The following GRIP1 variants were observed in gnomAD, a reference collection of about 807,000 sequenced individuals.
GRIP1 encodes the protein glutamate receptor interacting protein 1, also known as glutamate receptor-interacting protein 1.
A neutral mutation model predicts 129.9 loss-of-function variants in GRIP1; 45 were observed. That is an observed-to-expected ratio of 0.35 (90% CI 0.27 to 0.44). The LOEUF (loss-of-function observed/expected upper bound fraction) is 0.44. Ranked by LOEUF, GRIP1 falls within the 20% of genes least tolerant of loss-of-function variation. The pLI is 1.00. For missense variants in GRIP1, 1,196 were observed against 1,396.8 expected (o/e 0.86, Z 2.29); for synonymous variants, 530 against 520.8 (o/e 1.02, Z -0.24).
At chr12:66,522,707 G>A (rs1273256487) in intron 5 of GRIP1, among the ~76,000 whole-genome samples, 1 of 152,172 alleles carries the variant, frequency 6.6e-6, no homozygotes, top group African/African-American at 2.4e-5. Flanking sequence ...GAGAGAAGAA[G>A]ACTTCAGACG....
chr12:66,691,339 C>T (rs1043207126), intron 1 of GRIP1, among the ~76,000 whole-genome samples: 2 of 152,074 alleles, frequency 1.3e-5, no homozygotes, highest in Admixed American at 6.6e-5. Flanking sequence ...TGTGCTTAGG[C>T]TGAATAAGAA....
chr12:66,816,072 T>C lies in GRIP1; in HGVS notation c.59-219145A>G, dbSNP rs116185764. Reference sequence around the variant, plus strand: ...ACAAAGGAAGAGAAAAAATAGTAAATTTTTCATCTGAGAACAGGATCAGTA... The same window carrying C: ...ACAAAGGAAGAGAAAAAATAGTAAACTTTTCATCTGAGAACAGGATCAGTA... On this transcript the variant is annotated intron_variant, in intron 1 of 1. Coordinates refer to the GRIP1 transcript ENST00000643019. 2.5e-3 allele frequency among the ~76,000 whole-genome samples: 377 copies of C among 152,172 alleles called. 2 individuals are homozygous for C. Among genetic ancestry groups the C allele is most frequent in the African/African-American group, 8.6e-3 (359 of 41,512 alleles).
chr12:66,835,136 G>A (rs976795095), intron 1 of GRIP1, among the ~76,000 whole-genome samples: 7 of 151,944 alleles, frequency 4.6e-5, no homozygotes, highest in South Asian at 2.1e-4. Flanking sequence ...AGCAGAAAAC[G>A]AACAACCAAC....
At chr12:66,540,011 T>C (rs2061726498) in intron 3 of GRIP1, among the ~76,000 whole-genome samples, 1 of 152,218 alleles carries the variant, frequency 6.6e-6, no homozygotes, top group Non-Finnish European at 1.5e-5. Context: ...TTATTTTATA[T>C]ATAAATCCAG....
intron 1 of GRIP1, among the ~76,000 whole-genome samples, chr12:66,841,312 C>T (rs2039711885): frequency 6.6e-6 from 1 of 151,998 alleles, no homozygotes. Context: ...AGTGTATGTC[C>T]TTGTCCTCAG....
chr12:66,347,882 C>T lies in GRIP1; in HGVS notation c.*1137G>A, dbSNP rs527338957. ...AATCATTTCAATATGGAGAGTCTACCATCAATATACAGATCTATTTATTTT... is the reference window on the plus strand; with the variant it reads ...AATCATTTCAATATGGAGAGTCTACTATCAATATACAGATCTATTTATTTT... On this transcript the variant is annotated 3_prime_UTR_variant, in exon 25 of 25. Coordinates refer to ENST00000359742, the MANE Select transcript of GRIP1 (RefSeq NM_001366722.1). 1 of 152,120 alleles carries T rather than the reference C, an allele frequency of 6.6e-6. No homozygotes were observed. Among genetic ancestry groups the T allele is most frequent in the South Asian group, 2.1e-4 (1 of 4,816 alleles). 9.4% of individuals were successfully genotyped at this position (152,120 alleles called of 1,614,324 possible).
chr12:66,925,233 T>C (rs1423878991), intron 1 of GRIP1, among the ~76,000 whole-genome samples: 2 of 152,244 alleles, frequency 1.3e-5, no homozygotes, highest in East Asian at 3.9e-4. Flanking sequence ...TAAAGATCTA[T>C]ACATACACAC....
intron 1 of GRIP1, among the ~76,000 whole-genome samples, chr12:66,801,179 A>G (rs2038846913): frequency 6.6e-6 from 1 of 152,138 alleles, no homozygotes; most frequent in Admixed American, 6.6e-5. Flanking sequence ...ACCTTGTATC[A>G]CATTTTAAAA....
At chr12:66,774,876 T>C (rs976173497) in intron 1 of GRIP1, among the ~76,000 whole-genome samples, 2 of 152,114 alleles carry the variant, frequency 1.3e-5, no homozygotes, top group African/African-American at 4.8e-5. Context: ...TTCTGAACAG[T>C]CAATTTACTA....
rs373268310 is a variant in GRIP1, at chr12:66,419,954, G to A, written c.1838+766C>T. On this transcript the variant is annotated intron_variant, in intron 15 of 24. Transcript: ENST00000359742. ...CTAGTAAAAAATACAAAACTTAGCC[G>A]GGCATGGCGGTGTGCACCTGTAATC... is the stretch of plus-strand genomic sequence containing the variant. Among the ~76,000 whole-genome samples, 7 of 152,084 alleles carry A rather than the reference G, an allele frequency of 4.6e-5. No individual in the cohort carries two copies. The East Asian group carries it at 5.8e-4, about 13-fold the overall frequency.
At chr12:66,494,056 A>G (rs2060174117) in intron 7 of GRIP1, among the ~76,000 whole-genome samples, 1 of 152,198 alleles carries the variant, frequency 6.6e-6, no homozygotes, top group South Asian at 2.1e-4. Flanking sequence ...GAGTAGCTTT[A>G]CCATAACTTG....
intron 2 of GRIP1, among the ~76,000 whole-genome samples, chr12:66,565,576 C>G (rs1402093053): frequency 6.6e-6 from 1 of 152,136 alleles, no homozygotes; most frequent in Non-Finnish European, 1.5e-5. Context: ...CAGCTTTGTT[C>G]TTTTGGCTTA....
intron 23 of GRIP1, among the ~76,000 whole-genome samples, chr12:66,369,340 C>CTTTTTTTTTTTTTT: frequency 9.4e-6 from 1 of 106,790 alleles, no homozygotes; most frequent in Non-Finnish European, 1.9e-5. Flanking sequence ...TTAACAAGAT[C>CTTTTTTTTTTTTTT]TTTTTTTTTT....
At chr12:66,560,822 C>T (rs893989033) in intron 2 of GRIP1, among the ~76,000 whole-genome samples, 2 of 152,034 alleles carry the variant, frequency 1.3e-5, no homozygotes, top group Non-Finnish European at 2.9e-5. Flanking sequence ...AGCATATACC[C>T]ATATACTGCT....
intron 19 of GRIP1, among the ~76,000 whole-genome samples, chr12:66,388,846 G>A (rs900883659): frequency 5.9e-5 from 9 of 152,206 alleles, no homozygotes; most frequent in African/African-American, 2.2e-4. Context: ...CCTCTTCCAT[G>A]GGAGCAGAGA....
chr12:66,917,832 T>C (rs2041150157), intron 1 of GRIP1, among the ~76,000 whole-genome samples: 2 of 152,156 alleles, frequency 1.3e-5, no homozygotes, highest in Non-Finnish European at 2.9e-5. Context: ...CTAGTGTTCA[T>C]AATTTTCAAA....
rs2061790133 is a variant in GRIP1 at position 66,541,828 on chromosome 12, C to T, written c.259G>A (p.Gly87Arg). ...AGAGGCAGTTACCTAGCAGCAATTC[C>T]TCCTTGCCGCAGATTAGATACTCTT... ...KPRVSNLRQG[G>R]IAARSDQLDV... The change falls in exon 3 of 25, where the codon GGA becomes AGA. Residue 87 changes from glycine (G) to arginine (R), a missense_variant. Transcript: ENST00000359742. The T allele has an allele frequency of 6.2e-7, 1 of 1,613,914 alleles. No homozygotes were observed. Among genetic ancestry groups the T allele is most frequent in the Non-Finnish European group, 8.5e-7 (1 of 1,179,916 alleles).
intron 1 of GRIP1, among the ~76,000 whole-genome samples, chr12:66,771,794 T>C (rs1249769449): frequency 1.3e-5 from 2 of 152,194 alleles, no homozygotes; most frequent in Non-Finnish European, 2.9e-5. Context: ...CTCTGACAAG[T>C]GTCTAAGTCC....
chr12:66,540,168 T>G (rs954781034), intron 3 of GRIP1, among the ~76,000 whole-genome samples: 4 of 152,220 alleles, frequency 2.6e-5, no homozygotes, highest in Non-Finnish European at 5.9e-5. Flanking sequence ...TTTGCTATCA[T>G]GCAATGCCAT....
Sources: allele counts gnomAD v4.1 joint callset (sites outside exome capture counted in the v4.1 genomes callset), GRCh38; gene constraint gnomAD v4.1.1; transcripts MANE v1.5; gene names NCBI Gene and HGNC (gene_info 2026-07-23, HGNC 2026-07-21).